Variants in PKHD1L1 observed in about 807,000 individuals in gnomAD.
The protein encoded by PKHD1L1 is fibrocystin-L.
A neutral mutation model predicts 462.9 loss-of-function variants in PKHD1L1; 434 were observed. The ratio of observed to expected loss-of-function variants is 0.94; its 90% CI spans 0.87 to 1.02. The LOEUF (loss-of-function observed/expected upper bound fraction) is 1.02, where lower values mean the gene tolerates loss of function less well. Ranked by LOEUF, PKHD1L1 falls within the 50% of genes least tolerant of loss-of-function variation. The pLI is 0.00. For synonymous variants in PKHD1L1, 1,781 were observed against 1,750.0 expected (o/e 1.02, Z -0.44); for missense variants, 5,202 against 5,096.1 (o/e 1.02, Z -0.63).
chr8:109,473,779 T>C (rs1187021697), intron 50 of PKHD1L1, among the ~76,000 whole-genome samples: 1 of 152,130 alleles, frequency 6.6e-6, no homozygotes, highest in Non-Finnish European at 1.5e-5. Context: ...AATATAAGGC[T>C]TTGCTTCTCC....
intron 49 of PKHD1L1, among the ~76,000 whole-genome samples, chr8:109,465,936 T>TA (rs1817418042): frequency 6.6e-6 from 1 of 152,316 alleles, no homozygotes; most frequent in African/African-American, 2.4e-5. Flanking sequence ...TTGTAAATGA[T>TA]AAAAAATCTG....
Position 109,442,142 on chromosome 8 carries a change from G to A in PKHD1L1, c.4340G>A (p.Ser1447Asn). Residue 1447 changes from serine to asparagine, a missense_variant, in exon 35 of 78, where the codon AGT becomes AAT. Ser to Asn is a conservative substitution (Grantham distance 46). Around this residue, in one of 3 missense-constraint regions of PKHD1L1, gnomAD observed 4,497 missense variants for 4,336.8 expected, o/e 1.04. Transcript: ENST00000378402. Reference protein sequence around the residue: ...YRIFSVSSPGSVIYDGKGFTS... With the variant: ...YRIFSVSSPGNVIYDGKGFTS... The stretch of plus-strand genomic sequence containing the variant: ...ATTTTTTCTGTCTCCAGTCCTGGAA[G>A]TGTAATTTATGATGGCAAAGGATTC... 1 of 1,613,334 alleles carries A rather than the reference G, an allele frequency of 6.2e-7. No individual in the cohort carries two copies. Among genetic ancestry groups the A allele is most frequent in the Non-Finnish European group, 8.5e-7 (1 of 1,179,538 alleles).
rs529025372 is a variant in PKHD1L1, at chr8:109,492,080, G to A, written c.10236+86G>A. Reference sequence around the variant, plus strand: ...CTAATAAAATGAGCTAACTAAAGGAGTGAATGCACTTTTAAAAAGATGATG... The same window carrying A: ...CTAATAAAATGAGCTAACTAAAGGAATGAATGCACTTTTAAAAAGATGATG... On this transcript the variant is annotated intron_variant, in intron 62 of 77. Coordinates refer to ENST00000378402, the MANE Select transcript of PKHD1L1 (RefSeq NM_177531.6). 3.2e-5 allele frequency: 34 copies of A among 1,070,972 alleles called. No homozygotes were observed. The Middle Eastern group carries it at 1.0e-3, about 31-fold the overall frequency. 66.3% of individuals were successfully genotyped at this position (1,070,972 alleles called of 1,614,324 possible).
chr8:109,452,332 G>A (rs957636133), intron 42 of PKHD1L1, 52 bp downstream of exon 42: 11 of 1,420,000 alleles, frequency 7.7e-6, no homozygotes, highest in Non-Finnish European at 1.0e-5. Context: ...CCAGCATTAT[G>A]GGAGGTGGGC....
At position 109,442,980 on chromosome 8, in the gene PKHD1L1, C is replaced by A. The variant is rs1204183801; in HGVS notation, c.4428C>A (p.Ile1476=). Residue 1476 remains isoleucine (I), a synonymous_variant, in exon 36 of 78, where the codon ATC becomes ATA. Transcript: ENST00000378402. ...CTTACCAATTTACTTCTCCTGGAAT[C>A]CATTATTATAGCAGCGGGTATGTTG... ...SFSYQFTSPG[I]HYYSSGYVDE... The A allele has an allele frequency of 6.2e-7, 1 of 1,613,286 alleles. No homozygotes were observed. The highest frequency in any genetic ancestry group is 8.5e-7 in the Non-Finnish European group (1 of 1,179,510).
chr8:109,435,847 G>A (rs1815378854), intron 29 of PKHD1L1, among the ~76,000 whole-genome samples: 1 of 152,008 alleles, frequency 6.6e-6, no homozygotes. Flanking sequence ...TTAGGGTTTT[G>A]TGCTTTGATT....
chr8:109,452,549 A>G (rs1001774368), intron 42 of PKHD1L1, among the ~76,000 whole-genome samples, 169 bp from the exon 43 acceptor site: 2 of 150,976 alleles, frequency 1.3e-5, no homozygotes, highest in African/African-American at 4.8e-5. Flanking sequence ...GGCAATTATG[A>G]CACATTTTAA....
At chr8:109,485,271 A>G in intron 58 of PKHD1L1, 98 bp downstream of exon 58, 2 of 1,125,652 alleles carry the variant, frequency 1.8e-6, no homozygotes, top group Non-Finnish European at 2.4e-6. Context: ...TGTCACAAAT[A>G]TGTTAAAGGA....
At chr8:109,385,321 T>C (rs566627849) in intron 5 of PKHD1L1, among the ~76,000 whole-genome samples, 8 of 152,020 alleles carry the variant, frequency 5.3e-5, no homozygotes, top group Middle Eastern at 3.4e-3. Flanking sequence ...CTGTCTTCTA[T>C]GCTACACTTC....
chr8:109,520,326 T>G (rs1169838183), intron 73 of PKHD1L1, among the ~76,000 whole-genome samples: 1 of 152,080 alleles, frequency 6.6e-6, no homozygotes, highest in African/African-American at 2.4e-5. Context: ...ACTCACCTAC[T>G]CTTAGAAATC....
chr8:109,495,960 C>T (rs1208833923), intron 63 of PKHD1L1, among the ~76,000 whole-genome samples: 3 of 152,042 alleles, frequency 2.0e-5, no homozygotes, highest in Non-Finnish European at 4.4e-5. Context: ...AGTATAGTTG[C>T]CATTTATTGA....
chr8:109,381,660 G>T, intron 3 of PKHD1L1, 146 bp downstream of exon 3: 1 of 616,176 alleles, frequency 1.6e-6, no homozygotes, highest in Non-Finnish European at 2.6e-6. Context: ...ATTTTGTGAT[G>T]TTTAGACTAT....
intron 55 of PKHD1L1, among the ~76,000 whole-genome samples, chr8:109,480,900 T>C (rs1818241488): frequency 6.6e-6 from 1 of 151,940 alleles, no homozygotes; most frequent in African/African-American, 2.4e-5. Flanking sequence ...TAACCATGGG[T>C]AAGTTATTTG....
intron 65 of PKHD1L1, 65 bp downstream of exon 65, chr8:109,497,337 A>G (rs1819149056): frequency 6.6e-7 from 1 of 1,525,168 alleles, no homozygotes; most frequent in African/African-American, 1.4e-5. Flanking sequence ...GAATTTCTGA[A>G]GGACTAATAA....
chr8:109,441,243 T>A lies in PKHD1L1; in HGVS notation c.4100-32T>A, dbSNP rs568339299. 10 of 1,394,378 alleles carry A rather than the reference T, an allele frequency of 7.2e-6. No individual in the cohort carries two copies. In the Admixed American group the frequency reaches 1.6e-4, roughly 23 times the overall value. 86.4% of individuals were successfully genotyped at this position (1,394,378 alleles called of 1,614,324 possible). A position where few individuals can be genotyped will look rare whatever the true frequency, so the allele number is the denominator to read the frequency against. On this transcript the variant is annotated intron_variant, in intron 33 of 77. Coordinates refer to ENST00000378402, the MANE Select transcript of PKHD1L1 (RefSeq NM_177531.6). ...AAAAAAATTTGACAAAATGTTTGCTTTTTAAAAATATGCAGTATTTATTCT... is the reference window on the plus strand; with the variant it reads ...AAAAAAATTTGACAAAATGTTTGCTATTTAAAAATATGCAGTATTTATTCT...
At chr8:109,457,576 CT>C (rs1338932002) in intron 46 of PKHD1L1, among the ~76,000 whole-genome samples, 3 of 152,142 alleles carry the variant, frequency 2.0e-5, no homozygotes, top group Non-Finnish European at 2.9e-5. Flanking sequence ...CAGTTTGTCT[CT>C]GTCTAGCTCC....
rs1814945685 is a variant in PKHD1L1, at chr8:109,429,236, T to A, written c.3001-104T>A. On this transcript the variant is annotated intron_variant, in intron 25 of 77. Transcript: ENST00000378402. ...TGGTTTTGAATTTTATTTTACATTCTTTGACTTTTATTCACCTTTGCCTAT... is the reference window on the plus strand; with the variant it reads ...TGGTTTTGAATTTTATTTTACATTCATTGACTTTTATTCACCTTTGCCTAT... The A allele has an allele frequency of 2.9e-6, 3 of 1,019,502 alleles. No homozygotes were observed. In the African/African-American group the frequency reaches 5.0e-5, roughly 17 times the overall value. 63.2% of individuals were successfully genotyped at this position (1,019,502 alleles called of 1,614,324 possible).
intron 24 of PKHD1L1, 52 bp from the exon 25 acceptor site, chr8:109,426,950 G>T: frequency 9.7e-7 from 1 of 1,033,970 alleles, no homozygotes; most frequent in Non-Finnish European, 1.5e-6. Flanking sequence ...ACCACATCCG[G>T]CCCGTTTGTG....
Position 109,518,314 on chromosome 8 carries a change from T to C in PKHD1L1, c.11837T>C (p.Val3946Ala). 6.2e-7 allele frequency: 1 copy of C among 1,613,368 alleles called. No homozygotes were observed. The highest frequency in any genetic ancestry group is 1.3e-5 in the African/African-American group (1 of 75,002). Residue 3946 changes from valine to alanine, a missense_variant, in exon 73 of 78, where the codon GTT becomes GCT. Val to Ala is a moderately conservative substitution (Grantham distance 64, BLOSUM62 0). This residue lies in a region of PKHD1L1 where 698 missense variants were observed against 736.3 expected (regional missense o/e 0.95). Coordinates refer to ENST00000378402, the MANE Select transcript of PKHD1L1 (RefSeq NM_177531.6). ...ATATTTGTTTCTTTCCAATTATCTG[T>C]TGCAACAGAAGATGACTTTTATACC... ...TVIFVSFQLS[V>A]ATEDDFYTSH...
Sources: allele counts gnomAD v4.1 joint callset (sites outside exome capture counted in the v4.1 genomes callset), GRCh38; gene constraint gnomAD v4.1.1; regional missense constraint gnomAD v4.1.1; transcripts MANE v1.5; gene names NCBI Gene and HGNC (gene_info 2026-07-23, HGNC 2026-07-21).